GSK3A: variants seen among roughly 807,000 people sequenced by gnomAD.
GSK3A encodes glycogen synthase kinase 3 alpha.
Under a neutral mutation model 56.6 loss-of-function variants are expected in GSK3A, and 14 were observed. The ratio of observed to expected loss-of-function variants is 0.25; its 90% CI spans 0.16 to 0.39. The LOEUF (loss-of-function observed/expected upper bound fraction) is 0.39. Ranked by LOEUF, GSK3A falls within the 10% of genes least tolerant of loss-of-function variation. The pLI is 1.00. For missense variants in GSK3A, 450 were observed against 656.0 expected (o/e 0.69, Z 3.43); for synonymous variants, 301 against 285.0 (o/e 1.06, Z -0.56).
intron 9 of GSK3A, 51 bp from the exon 10 acceptor site, chr19:42,232,200 G>C: frequency 3.5e-6 from 4 of 1,151,798 alleles, no homozygotes; most frequent in Non-Finnish European, 5.2e-6. Flanking sequence ...GCAGGGTTAT[G>C]ATGGGCACCA....
At chr19:42,242,128 T>A in intron 1 of GSK3A, 55 bp downstream of exon 1, 1 of 1,278,966 alleles carries the variant, frequency 7.8e-7, no homozygotes. Context: ...GATGGATGTC[T>A]GAGGAGCTTT....
intron 1 of GSK3A, chr19:42,240,689 G>A (rs567278916): frequency 1.0e-3 from 162 of 160,176 alleles, no homozygotes; most frequent in Non-Finnish European, 8.7e-4. Context: ...GTCCTCTCCT[G>A]CTATAAGTGC....
rs369193412 is a variant in GSK3A at position 42,233,271 on chromosome 19, A to T, written c.1002+15T>A. On this transcript the variant is annotated intron_variant, in intron 7 of 10. Coordinates refer to ENST00000222330, the MANE Select transcript of GSK3A (RefSeq NM_019884.3). ...CTCAGCCCCACCCCCTGCCCAGCCC[A>T]GCCCCGCCCCTCACCTTGATGATCT... 4.7e-6 allele frequency: 2 copies of T among 424,318 alleles called. No homozygotes were observed. Among genetic ancestry groups the T allele is most frequent in the Non-Finnish European group, 4.2e-6 (1 of 240,388 alleles). 26.3% of individuals were successfully genotyped at this position (424,318 alleles called of 1,614,324 possible).
rs776764853 is a variant in GSK3A at position 42,232,560 on chromosome 19, T to A, written c.1221A>T (p.Arg407=). 6.2e-7 allele frequency: 1 copy of A among 1,614,058 alleles called. No individual in the cohort carries two copies. The highest frequency in any genetic ancestry group is 2.2e-5 in the East Asian group (1 of 44,878). ...ACAHSFFDEL[R]CLGTQLPNNR... The stretch of plus-strand genomic sequence containing the variant: ...TGTTAGGCAGCTGGGTTCCCAGACA[T>A]CGCAGTTCATCAAAGAAGCTGTGCG... The change falls in exon 9 of 11, where the codon CGA becomes CGT. Residue 407 remains arginine, a synonymous_variant. Coordinates refer to ENST00000222330, the MANE Select transcript of GSK3A (RefSeq NM_019884.3).
rs2036294768 is a variant in GSK3A at position 42,241,957 on chromosome 19, A to G, written c.283+226T>C. On this transcript the variant is annotated intron_variant, in intron 1 of 10. Transcript: ENST00000222330. ...AATAATGGAAGAACAGAGACTTGTA[A>G]CCCGTTTCTTTAAGTGTTAGTAATT... The G allele has an allele frequency of 7.5e-6, 3 of 397,930 alleles. No homozygotes were observed. In the Admixed American group the frequency reaches 1.3e-4, roughly 18 times the overall value. 24.6% of individuals were successfully genotyped at this position (397,930 alleles called of 1,614,324 possible). A position where few individuals can be genotyped will look rare whatever the true frequency, so the allele number is the denominator to read the frequency against.
intron 10 of GSK3A, among the ~76,000 whole-genome samples, chr19:42,231,489 G>A (rs992481894): frequency 6.6e-6 from 1 of 152,074 alleles, no homozygotes; most frequent in Non-Finnish European, 1.5e-5. Flanking sequence ...ATTTTTAAAC[G>A]TGGACACCAT....
At chr19:42,238,532 G>A (rs1279525972) in intron 2 of GSK3A, among the ~76,000 whole-genome samples, 1 of 149,986 alleles carries the variant, frequency 6.7e-6, no homozygotes, top group Non-Finnish European at 1.5e-5. Flanking sequence ...GCTTGAACCC[G>A]GCAGGCGGAG....
At chr19:42,231,843 T>G (rs1470466122) in intron 10 of GSK3A, among the ~76,000 whole-genome samples, 1 of 152,180 alleles carries the variant, frequency 6.6e-6, no homozygotes, top group African/African-American at 2.4e-5. Flanking sequence ...ACGTTATTTC[T>G]CTGGCTTTCC....
At chr19:42,236,468 A>C in intron 4 of GSK3A, 138 bp downstream of exon 4, 1 of 663,896 alleles carries the variant, frequency 1.5e-6, no homozygotes, top group Admixed American at 2.4e-5. Context: ...TCGGGGGGTT[A>C]TGGGAACAAC....
At chr19:42,237,885 T>TA (rs1342084130) in intron 2 of GSK3A, among the ~76,000 whole-genome samples, 4 of 150,952 alleles carry the variant, frequency 2.6e-5, no homozygotes, top group Non-Finnish European at 4.4e-5. Flanking sequence ...AAAATAATAA[T>TA]AATAAATAAA....
chr19:42,232,723 G>A (rs2036232253), intron 8 of GSK3A, 41 bp from the exon 9 acceptor site: 1 of 1,464,670 alleles, frequency 6.8e-7, no homozygotes, highest in Non-Finnish European at 9.3e-7. Context: ...GAGATGCCCT[G>A]GACACTGGCA....
At chr19:42,231,234 C>T (rs2036221829) in intron 10 of GSK3A, among the ~76,000 whole-genome samples, 1 of 152,056 alleles carries the variant, frequency 6.6e-6, no homozygotes, top group Admixed American at 6.5e-5. Context: ...GTGGTATGAG[C>T]GTGTAATCCC....
At position 42,233,271 on chromosome 19, in the gene GSK3A, AGCCCC is replaced by A; in HGVS notation, c.1002+10_1002+14del. On this transcript the variant is annotated intron_variant, in intron 7 of 10. Coordinates refer to ENST00000222330, the MANE Select transcript of GSK3A (RefSeq NM_019884.3). Reference sequence around the variant, plus strand: ...CTCAGCCCCACCCCCTGCCCAGCCCAGCCCCGCCCCTCACCTTGATGATCTCCACC... The same window carrying A: ...CTCAGCCCCACCCCCTGCCCAGCCCAGCCCCTCACCTTGATGATCTCCACC... 1 of 424,230 alleles carries A rather than the reference AGCCCC, an allele frequency of 2.4e-6. No individual in the cohort carries two copies. The allele number at this position is 424,230 out of a possible 1,614,324, so 26.3% of individuals were successfully genotyped here. A position where few individuals can be genotyped will look rare whatever the true frequency, so the allele number is the denominator to read the frequency against.
Position 42,232,074 on chromosome 19 carries a change from A to G in GSK3A, c.1361T>C (p.Leu454Pro), listed in dbSNP as rs1165380071. 1.6e-5 allele frequency: 25 copies of G among 1,603,918 alleles called. No individual in the cohort carries two copies. Among genetic ancestry groups the G allele is most frequent in the Non-Finnish European group, 2.1e-5 (25 of 1,171,636 alleles). Residue 454 changes from leucine to proline, a missense_variant, in exon 10 of 11, where the codon CTC (leucine) becomes CCC (proline). This residue lies in a region of GSK3A where 113 missense variants were observed against 147.5 expected (regional missense o/e 0.77). Transcript: ENST00000222330. ...HLRSPAGTTT[L>P]TPSSQALTET... Reference sequence around the variant, plus strand: ...CCACTTACCTTGTGAGGACGGGGTGAGGGTGGTAGTGCCCGCTGGGGACCT... The same window carrying G: ...CCACTTACCTTGTGAGGACGGGGTGGGGGTGGTAGTGCCCGCTGGGGACCT...
rs2036299920 is a variant in GSK3A at position 42,242,446 on chromosome 19, G to A, written c.20C>T (p.Ser7Leu). 1.6e-6 allele frequency: 2 copies of A among 1,266,224 alleles called. No homozygotes were observed. Among genetic ancestry groups the A allele is most frequent in the African/African-American group, 1.6e-5 (1 of 63,168 alleles). The allele number at this position is 1,266,224 out of a possible 1,614,324, so 78.4% of individuals were successfully genotyped here. MSGGGP[S>L]GGGPGGSGRA... ...GCCCGAGCCCCCAGGGCCGCCTCCC[G>A]AAGGCCCGCCGCCGCTCATGGCGCC... Residue 7 changes from serine to leucine, a missense_variant, in exon 1 of 11, where the codon TCG becomes TTG. Coordinates refer to ENST00000222330, the MANE Select transcript of GSK3A (RefSeq NM_019884.3).
Position 42,234,909 on chromosome 19 carries a change from G to A in GSK3A, c.667-231C>T, listed in dbSNP as rs572640904. 1.3e-5 allele frequency among the ~76,000 whole-genome samples: 2 copies of A among 152,220 alleles called. No homozygotes were observed. Among genetic ancestry groups the A allele is most frequent in the Middle Eastern group, 3.4e-3 (1 of 294 alleles). The stretch of plus-strand genomic sequence containing the variant: ...CGTGGCGGGTCACGCCTGTAATCCC[G>A]GTATTTTGGGAGGCCAAGACCAGCC... On this transcript the variant is annotated intron_variant, in intron 4 of 10. Coordinates refer to ENST00000222330, the MANE Select transcript of GSK3A (RefSeq NM_019884.3). This position sits in a 1 kb window ranked among gnomAD's most constrained non-coding sequence, Gnocchi z 5.7.
chr19:42,238,020 C>T (rs993419893), intron 2 of GSK3A, among the ~76,000 whole-genome samples: 4 of 151,964 alleles, frequency 2.6e-5, no homozygotes, highest in African/African-American at 7.3e-5. Flanking sequence ...TCAAGGATTA[C>T]AGGCATGAGC....
In GSK3A at chr19:42,230,589, C is replaced by A; in HGVS notation, c.*205G>T. 1 of 592,728 alleles carries A rather than the reference C, an allele frequency of 1.7e-6. No homozygotes were observed. Among genetic ancestry groups the A allele is most frequent in the South Asian group, 2.0e-5 (1 of 50,052 alleles). 36.7% of individuals were successfully genotyped at this position (592,728 alleles called of 1,614,324 possible). A position where few individuals can be genotyped will look rare whatever the true frequency, so the allele number is the denominator to read the frequency against. ...AACACCCTGTCCTTCTCTTCCCTCC[C>A]CACAACCAGTTAAAATCCTCTTAAA... On this transcript the variant is annotated 3_prime_UTR_variant, in exon 11 of 11. Transcript: ENST00000222330.
chr19:42,239,125 T>C (rs1250464826), intron 2 of GSK3A, among the ~76,000 whole-genome samples: 1 of 152,190 alleles, frequency 6.6e-6, no homozygotes, highest in African/African-American at 2.4e-5. Context: ...CTCCAGGCAT[T>C]GGACTTTTCC....
Sources: allele counts gnomAD v4.1 joint callset (sites outside exome capture counted in the v4.1 genomes callset), GRCh38; gene constraint gnomAD v4.1.1; regional missense constraint gnomAD v4.1.1; non-coding constraint Gnocchi (gnomAD v3.1); transcripts MANE v1.5; gene names NCBI Gene and HGNC (gene_info 2026-07-23, HGNC 2026-07-21).